Variants in CDS1 observed in about 807,000 individuals in gnomAD.
CDS1 encodes phosphatidate cytidylyltransferase 1.
Under a neutral mutation model 62.1 loss-of-function variants are expected in CDS1, and 41 were observed. The ratio of observed to expected loss-of-function variants is 0.66; its 90% CI spans 0.51 to 0.86. The LOEUF is 0.86. CDS1 is among the 40% of genes least tolerant of loss of function. CDS1 has a pLI of 0.00. For synonymous variants in CDS1, 185 were observed against 192.6 expected, an observed-to-expected ratio of 0.96 and a Z score of 0.32; for missense variants, 470 against 550.1, an observed-to-expected ratio of 0.85 and a Z score of 1.46.
At chr4:84,593,182 C>T (rs1031714989) in intron 1 of CDS1, among the ~76,000 whole-genome samples, 1 of 152,128 alleles carries the variant, frequency 6.6e-6, no homozygotes, top group Non-Finnish European at 1.5e-5. Context: ...GTAGATAGTG[C>T]CCCCTGGAAT....
In CDS1 at chr4:84,635,696, TTCCC is replaced by T. The variant is rs1378774842; in HGVS notation, c.810+367_810+370del. ...CTTCCTTCCTTCCTTCCTTCCCTCC[TTCCC>T]TCCCTCCCTCCCTCCCTCCCTTTTC... On this transcript the variant is annotated intron_variant, in intron 8 of 12. Coordinates refer to ENST00000295887, the MANE Select transcript of CDS1 (RefSeq NM_001263.4). Among the ~76,000 whole-genome samples the T allele has an allele frequency of 1.5e-3, 88 of 58,434 alleles. 3 individuals carry two copies. The highest frequency in any genetic ancestry group is 0.011 in the Middle Eastern group (1 of 88). The allele number at this position is 58,434 out of a possible 152,430, so 38.3% of individuals were successfully genotyped here.
chr4:84,621,384 A>G (rs930716716), intron 5 of CDS1, among the ~76,000 whole-genome samples: 4 of 152,160 alleles, frequency 2.6e-5, no homozygotes, highest in East Asian at 1.9e-4. Context: ...ATGCTATTTC[A>G]TTAAATAGTT....
At chr4:84,635,676 T>TCCCTCCC (rs1724178872) in intron 8 of CDS1, among the ~76,000 whole-genome samples, 1 of 105,850 alleles carries the variant, frequency 9.4e-6, no homozygotes, top group African/African-American at 4.0e-5. Context: ...CCTTCCTTCC[T>TCCCTCCC]TCCTTCCTTC....
At chr4:84,647,715 GCAATTTGTT>G in intron 12 of CDS1, among the ~76,000 whole-genome samples, 1 of 152,272 alleles carries the variant, frequency 6.6e-6, no homozygotes, top group South Asian at 2.1e-4. Context: ...GGGCTCTTGT[GCAATTTGTT>G]AAGTCAAAGA....
chr4:84,634,844 G>A lies in CDS1; in HGVS notation c.723-420G>A, dbSNP rs576891681. Among the ~76,000 whole-genome samples the A allele has an allele frequency of 2.0e-5, 3 of 152,196 alleles. No homozygotes were observed. In the East Asian group the frequency reaches 5.8e-4, roughly 29 times the overall value. ...AATTAAAATTAATAATTGAGAATAT[G>A]TATTAAGAGCTTGATATAAATTTAT... On this transcript the variant is annotated intron_variant, in intron 7 of 12. Coordinates refer to ENST00000295887, the MANE Select transcript of CDS1 (RefSeq NM_001263.4).
intron 5 of CDS1, among the ~76,000 whole-genome samples, chr4:84,625,534 T>C (rs1201402839): frequency 6.6e-6 from 1 of 152,036 alleles, no homozygotes; most frequent in Non-Finnish European, 1.5e-5. Flanking sequence ...AGGTATCGTA[T>C]AGTAGAAAAG....
intron 5 of CDS1, among the ~76,000 whole-genome samples, chr4:84,629,256 T>G (rs576576536): frequency 2.8e-4 from 43 of 152,216 alleles, no homozygotes; most frequent in African/African-American, 9.1e-4. Flanking sequence ...TATGTTTCTC[T>G]TTTACAATGT....
At position 84,584,198 on chromosome 4, in the gene CDS1, C is replaced by G. The variant is rs564216133; in HGVS notation, c.117+680C>G. Among the ~76,000 whole-genome samples, 9 of 152,292 alleles carry G rather than the reference C, an allele frequency of 5.9e-5. No individual in the cohort carries two copies. The South Asian group carries it at 1.9e-3, about 32-fold the overall frequency. ...ACTTCCTTTTCTATAGATTACTCTTCTTTCACATTTAAGAATAAGTAGATG... is the reference window on the plus strand; with the variant it reads ...ACTTCCTTTTCTATAGATTACTCTTGTTTCACATTTAAGAATAAGTAGATG... On this transcript the variant is annotated intron_variant, in intron 1 of 12. Coordinates refer to ENST00000295887, the MANE Select transcript of CDS1 (RefSeq NM_001263.4).
chr4:84,609,562 T>C (rs1209548226), intron 3 of CDS1, 37 bp downstream of exon 3: 3 of 1,158,930 alleles, frequency 2.6e-6, no homozygotes, highest in African/African-American at 3.1e-5. Context: ...TCTCTTGCTT[T>C]GTTTTTCAAC....
Position 84,633,890 on chromosome 4 carries a change from G to T in CDS1, c.673G>T (p.Val225Phe). The part of the protein sequence containing the change: ...AWTHVTLLIT[V>F]TQSHLVIQNL... ...GACTCATGTCACTTTACTGATAACTGTCACTCAGTCACACCTTGTCATCCA... is the reference window on the plus strand; with the variant it reads ...GACTCATGTCACTTTACTGATAACTTTCACTCAGTCACACCTTGTCATCCA... The change falls in exon 7 of 13, where the codon GTC (valine) becomes TTC (phenylalanine). Residue 225 changes from valine (V) to phenylalanine (F), a missense_variant. By Grantham distance (50) the Val-to-Phe change is conservative. Coordinates refer to ENST00000295887, the MANE Select transcript of CDS1 (RefSeq NM_001263.4). The T allele has an allele frequency of 6.2e-7, 1 of 1,602,240 alleles. No homozygotes were observed. The highest frequency in any genetic ancestry group is 2.3e-5 in the East Asian group (1 of 44,078).
At chr4:84,605,965 A>G (rs186027144) in intron 2 of CDS1, among the ~76,000 whole-genome samples, 233 of 152,248 alleles carry the variant, frequency 1.5e-3, no homozygotes, top group African/African-American at 5.3e-3. Context: ...TGTGGCTTCA[A>G]TGCCTGTATT....
chr4:84,603,911 A>C (rs1723013677), intron 1 of CDS1, among the ~76,000 whole-genome samples: 1 of 152,234 alleles, frequency 6.6e-6, no homozygotes, highest in East Asian at 1.9e-4. Context: ...AGCTGATCAG[A>C]ATCTACATGG....
chr4:84,643,939 C>T (rs1382263192), intron 11 of CDS1, among the ~76,000 whole-genome samples: 1 of 152,092 alleles, frequency 6.6e-6, no homozygotes, highest in African/African-American at 2.4e-5. Context: ...GAGGAGGTGG[C>T]ACTTAAGTAG....
intron 11 of CDS1, among the ~76,000 whole-genome samples, chr4:84,643,611 C>T (rs1421773809): frequency 6.6e-6 from 1 of 152,214 alleles, no homozygotes; most frequent in Non-Finnish European, 1.5e-5. Context: ...ACCATATATT[C>T]TATCAAAGCT....
intron 5 of CDS1, among the ~76,000 whole-genome samples, 198 bp from the exon 6 acceptor site, chr4:84,631,621 C>T (rs1289032375): frequency 6.6e-6 from 1 of 152,154 alleles, no homozygotes; most frequent in Non-Finnish European, 1.5e-5. Context: ...GTATTAGGCA[C>T]TTTGGAGAGT....
At position 84,603,001 on chromosome 4, in the gene CDS1, G is replaced by A. The variant is rs943008829; in HGVS notation, c.118-1242G>A. On this transcript the variant is annotated intron_variant, in intron 1 of 12. Transcript: ENST00000295887. ...CTTTATGAAAACTGAAAATACTCCCGAAGACTAACATTATATTTGGTGAGC... is the reference window on the plus strand; with the variant it reads ...CTTTATGAAAACTGAAAATACTCCCAAAGACTAACATTATATTTGGTGAGC... Among the ~76,000 whole-genome samples, 8 of 152,124 alleles carry A rather than the reference G, an allele frequency of 5.3e-5. No homozygotes were observed. The East Asian group carries it at 5.8e-4, about 11-fold the overall frequency.
intron 2 of CDS1, among the ~76,000 whole-genome samples, chr4:84,608,106 G>A (rs985468823): frequency 6.6e-6 from 1 of 152,234 alleles, no homozygotes; most frequent in Non-Finnish European, 1.5e-5. Flanking sequence ...TCTCAGCATG[G>A]CAAGGACCAG....
At chr4:84,593,333 CT>C (rs1233148445) in intron 1 of CDS1, among the ~76,000 whole-genome samples, 1 of 151,966 alleles carries the variant, frequency 6.6e-6, no homozygotes, top group Non-Finnish European at 1.5e-5. Flanking sequence ...AGAGGTATTC[CT>C]TCTTTGTCTT....
chr4:84,624,099 G>A (rs1433494026), intron 5 of CDS1, among the ~76,000 whole-genome samples: 2 of 151,690 alleles, frequency 1.3e-5, no homozygotes, highest in Non-Finnish European at 2.9e-5. Context: ...GTGGAACCCC[G>A]TCTCTACTAA....
Sources: gnomAD v4.1 joint callset for allele counts (sites outside exome capture counted in the v4.1 genomes callset) on GRCh38, gnomAD v4.1.1 for gene constraint, MANE v1.5 for transcripts, NCBI Gene and HGNC (gene_info 2026-07-23, HGNC 2026-07-21) for gene names.